GPR137B: variants seen among roughly 807,000 people sequenced by gnomAD.
GPR137B encodes the protein G protein-coupled receptor 137B.
Under a neutral mutation model 42.5 loss-of-function variants are expected in GPR137B, and 42 were observed. That is an observed-to-expected ratio of 0.99 (90% CI 0.77 to 1.28). GPR137B has a LOEUF of 1.28. Among genes scored for constraint, GPR137B ranks in the 50% most tolerant of loss-of-function variants. The pLI is 0.00. For synonymous variants in GPR137B, 218 were observed against 209.7 expected (o/e 1.04, Z -0.34); for missense variants, 487 against 493.9 (o/e 0.99, Z 0.13).
chr1:236,178,396 TGCTC>T lies in GPR137B; in HGVS notation c.465-17_465-14del, dbSNP rs1662753072. The T allele has an allele frequency of 6.6e-7, 1 of 1,503,932 alleles. No homozygotes were observed. Among genetic ancestry groups the T allele is most frequent in the African/African-American group, 1.4e-5 (1 of 72,786 alleles). 93.2% of individuals were successfully genotyped at this position (1,503,932 alleles called of 1,614,324 possible). Reference sequence around the variant, plus strand: ...GACCTGGGATGTGCAGCTGACAAGTTGCTCTCATGCCTTCCAGGTTGCCCCTCTA... The same window carrying T: ...GACCTGGGATGTGCAGCTGACAAGTTTCATGCCTTCCAGGTTGCCCCTCTA... On this transcript the variant is annotated splice_polypyrimidine_tract_variant and intron_variant, in intron 2 of 6. Coordinates refer to ENST00000366592, the MANE Select transcript of GPR137B (RefSeq NM_003272.4).
intron 5 of GPR137B, among the ~76,000 whole-genome samples, chr1:236,193,237 G>A (rs1663242808): frequency 1.3e-5 from 2 of 152,110 alleles, no homozygotes; most frequent in South Asian, 4.2e-4. Context: ...AGTTTGAAAT[G>A]ATAAAAAGGA....
intron 6 of GPR137B, among the ~76,000 whole-genome samples, chr1:236,206,524 A>C (rs1284756155): frequency 6.6e-6 from 1 of 152,190 alleles, no homozygotes; most frequent in Non-Finnish European, 1.5e-5. Flanking sequence ...AAATACTGAG[A>C]GTTCAAAGCA....
intron 1 of GPR137B, among the ~76,000 whole-genome samples, chr1:236,152,619 T>C (rs756488376): frequency 1.3e-5 from 2 of 149,202 alleles, no homozygotes; most frequent in Non-Finnish European, 3.0e-5. Flanking sequence ...TAGCTAGGCG[T>C]GGTGGGCGCC....
At chr1:236,149,084 T>C (rs1661763064) in intron 1 of GPR137B, among the ~76,000 whole-genome samples, 1 of 152,180 alleles carries the variant, frequency 6.6e-6, no homozygotes, top group Non-Finnish European at 1.5e-5. Context: ...GAACCTAGGC[T>C]CTTGCTTCGA....
In GPR137B at chr1:236,208,408, A is replaced by G; in HGVS notation, c.*250A>G. On this transcript the variant is annotated 3_prime_UTR_variant, in exon 7 of 7. Coordinates refer to ENST00000366592, the MANE Select transcript of GPR137B (RefSeq NM_003272.4). ...TTTAAAGAAAATCTGTACTTTTATA[A>G]AGATGTATTTTGTATAACTTAAATA... 9.3e-7 allele frequency: 1 copy of G among 1,079,834 alleles called. No individual in the cohort carries two copies. Among genetic ancestry groups the G allele is most frequent in the Non-Finnish European group, 1.2e-6 (1 of 843,274 alleles). The allele number at this position is 1,079,834 out of a possible 1,614,324, so 66.9% of individuals were successfully genotyped here.
At chr1:236,185,844 C>T (rs1442489184) in intron 5 of GPR137B, among the ~76,000 whole-genome samples, 1 of 152,052 alleles carries the variant, frequency 6.6e-6, no homozygotes, top group African/African-American at 2.4e-5. Context: ...CACATATGTG[C>T]AACCATCACC....
rs1203831248 is a variant in GPR137B at position 236,178,559 on chromosome 1, C to T, written c.610C>T (p.Leu204=). ...RVAINDTLFV[L]CAVSLSICLY... is the part of the protein sequence containing the mutation. Reference sequence around the variant, plus strand: ...GGCCATTAATGACACGCTCTTCGTGCTGTGTGCCGTCTCTCTCTCCATCTG... The same window carrying T: ...GGCCATTAATGACACGCTCTTCGTGTTGTGTGCCGTCTCTCTCTCCATCTG... Residue 204 remains leucine (L), a synonymous_variant, in exon 3 of 7, where the codon CTG becomes TTG. Transcript: ENST00000366592. The T allele has an allele frequency of 6.2e-7, 1 of 1,612,890 alleles. No individual in the cohort carries two copies. Among genetic ancestry groups the T allele is most frequent in the East Asian group, 2.2e-5 (1 of 44,896 alleles).
chr1:236,168,777 T>C (rs1662438391), intron 2 of GPR137B, 22 bp downstream of exon 2: 1 of 1,530,134 alleles, frequency 6.5e-7, no homozygotes, highest in African/African-American at 1.4e-5. Context: ...AGGGCATCTC[T>C]TTCTGTGGTA....
In GPR137B at chr1:236,171,992, T is replaced by C. The variant is rs910705687; in HGVS notation, c.464+3237T>C. 2.6e-5 allele frequency among the ~76,000 whole-genome samples: 4 copies of C among 151,586 alleles called. No homozygotes were observed. Among genetic ancestry groups the C allele is most frequent in the African/African-American group, 9.7e-5 (4 of 41,130 alleles). On this transcript the variant is annotated intron_variant, in intron 2 of 6. Transcript: ENST00000366592. The surrounding 1 kb of genome is among the most constrained non-coding windows in gnomAD (Gnocchi z 4.4). ...AGGTTGAGGTTGCAGTGAGCCGAGA[T>C]TGTGCCATTGCACTCCAGCCTGGGC...
chr1:236,163,618 A>C (rs1490179583), intron 1 of GPR137B, among the ~76,000 whole-genome samples: 4 of 152,148 alleles, frequency 2.6e-5, no homozygotes, highest in Non-Finnish European at 5.9e-5. Context: ...ATAGTGAATA[A>C]GTCTCAGGAG....
At chr1:236,194,755 C>G (rs12046060) in intron 5 of GPR137B, among the ~76,000 whole-genome samples, 1 of 152,108 alleles carries the variant, frequency 6.6e-6, no homozygotes, top group African/African-American at 2.4e-5. Flanking sequence ...GCAATGACCT[C>G]TAGGGTGTAC....
intron 5 of GPR137B, among the ~76,000 whole-genome samples, chr1:236,198,540 T>G (rs1663405760): frequency 6.6e-6 from 1 of 152,198 alleles, no homozygotes; most frequent in Admixed American, 6.5e-5. Flanking sequence ...GCATTGAATT[T>G]GTAGATTGCT....
chr1:236,156,233 T>A lies in GPR137B; in HGVS notation c.415-12473T>A, dbSNP rs1267061691. Among the ~76,000 whole-genome samples the A allele has an allele frequency of 6.6e-6, 1 of 152,176 alleles. No homozygotes were observed. Among genetic ancestry groups the A allele is most frequent in the Non-Finnish European group, 1.5e-5 (1 of 68,018 alleles). ...AGGCCAGGAGCAGGCAGGACCAGCT[T>A]CTTGGGCCACATGCTTGCCAAAGTC... On this transcript the variant is annotated intron_variant, in intron 1 of 6. Transcript: ENST00000366592. This position sits in a 1 kb window ranked among gnomAD's most constrained non-coding sequence, Gnocchi z 4.8.
In GPR137B at chr1:236,207,308, G is replaced by A. The variant is rs572117491; in HGVS notation, c.1092-742G>A. On this transcript the variant is annotated intron_variant, in intron 6 of 6. Transcript: ENST00000366592. Reference sequence around the variant, plus strand: ...AAGCTGGAAGCAAGCCAACAAACAAGAAGGACTTCTTGAAGTCAAAAGCTG... The same window carrying A: ...AAGCTGGAAGCAAGCCAACAAACAAAAAGGACTTCTTGAAGTCAAAAGCTG... The A allele has an allele frequency of 1.2e-5, 12 of 983,666 alleles. No individual in the cohort carries two copies. The South Asian group carries it at 4.2e-4, about 35-fold the overall frequency. The allele number at this position is 983,666 out of a possible 1,614,324, so 60.9% of individuals were successfully genotyped here.
intron 5 of GPR137B, among the ~76,000 whole-genome samples, chr1:236,202,919 C>T (rs1284382005): frequency 6.6e-6 from 1 of 152,178 alleles, no homozygotes; most frequent in Non-Finnish European, 1.5e-5. Context: ...TTTCATTCTT[C>T]TGCATATGGA....
chr1:236,156,890 T>C lies in GPR137B; in HGVS notation c.415-11816T>C, dbSNP rs1322772013. Among the ~76,000 whole-genome samples the C allele has an allele frequency of 6.6e-6, 1 of 152,206 alleles. No individual in the cohort carries two copies. The highest frequency in any genetic ancestry group is 1.5e-5 in the Non-Finnish European group (1 of 68,042). On this transcript the variant is annotated intron_variant, in intron 1 of 6. Coordinates refer to ENST00000366592, the MANE Select transcript of GPR137B (RefSeq NM_003272.4). This position sits in a 1 kb window ranked among gnomAD's most constrained non-coding sequence, Gnocchi z 4.8. The stretch of plus-strand genomic sequence containing the variant: ...TTCTTAACCTTTTTCAGTATGAAAG[T>C]TCCTTTTATGGTTAGGATAGCATCT...
At chr1:236,180,224 A>C in intron 4 of GPR137B, 196 bp downstream of exon 4, 1 of 553,610 alleles carries the variant, frequency 1.8e-6, no homozygotes. Flanking sequence ...ACAATACCAA[A>C]TACAACACAA....
intron 1 of GPR137B, among the ~76,000 whole-genome samples, chr1:236,146,898 T>G (rs1357829242): frequency 6.6e-6 from 1 of 152,120 alleles, no homozygotes; most frequent in Non-Finnish European, 1.5e-5. Context: ...AACCTCCGCC[T>G]CCCAGATTCA....
intron 4 of GPR137B, among the ~76,000 whole-genome samples, chr1:236,183,079 C>G (rs1662929076): frequency 1.3e-5 from 2 of 152,060 alleles, no homozygotes; most frequent in Non-Finnish European, 2.9e-5. Context: ...TTGCCCAAAC[C>G]CAACCATGTG....
Sources: gnomAD v4.1 joint callset for allele counts (sites outside exome capture counted in the v4.1 genomes callset) on GRCh38, gnomAD v4.1.1 for gene constraint, Gnocchi (gnomAD v3.1) non-coding constraint, MANE v1.5 for transcripts, NCBI Gene and HGNC (gene_info 2026-07-23, HGNC 2026-07-21) for gene names.